Variants in SELENOI observed in about 807,000 individuals in gnomAD.
SELENOI encodes the protein ethanolaminephosphotransferase 1.
In SELENOI, 24 loss-of-function variants were observed where a neutral mutation model predicts 50.7. The ratio of observed to expected loss-of-function variants is 0.47; its 90% CI spans 0.34 to 0.67. The LOEUF is 0.67. Among genes scored for constraint, SELENOI ranks in the 30% least tolerant of loss-of-function variants. The probability of loss-of-function intolerance (pLI) is 0.01; values close to 1 mark genes in which losing one functional copy is unlikely to be tolerated. For synonymous variants in SELENOI, 155 were observed against 170.2 expected, an observed-to-expected ratio of 0.91 and a Z score of 0.70; for missense variants, 352 against 461.4, an observed-to-expected ratio of 0.76 and a Z score of 2.17.
chr2:26,389,253 G>T lies in SELENOI; in HGVS notation c.*150G>T. 1.6e-6 allele frequency: 1 copy of T among 611,922 alleles called. No individual in the cohort carries two copies. Among genetic ancestry groups the T allele is most frequent in the Non-Finnish European group, 2.8e-6 (1 of 356,440 alleles). The allele number at this position is 611,922 out of a possible 1,614,324, so 37.9% of individuals were successfully genotyped here. A position where few individuals can be genotyped will look rare whatever the true frequency, so the allele number is the denominator to read the frequency against. On this transcript the variant is annotated 3_prime_UTR_variant, in exon 10 of 10. Transcript: ENST00000260585. ...GAATGATACATATAATCTGAACTTG[G>T]GAAATTTTGGACCTACTAACTCTAA...
At chr2:26,350,605 G>A (rs570585749) in intron 1 of SELENOI, among the ~76,000 whole-genome samples, 1 of 152,324 alleles carries the variant, frequency 6.6e-6, no homozygotes, top group South Asian at 2.1e-4. Context: ...GCAAAATTAA[G>A]CTAAGTTGAA....
chr2:26,354,373 TTTG>T (rs1558411007), intron 1 of SELENOI, among the ~76,000 whole-genome samples: 1 of 151,962 alleles, frequency 6.6e-6, no homozygotes, highest in Non-Finnish European at 1.5e-5. Flanking sequence ...GTACTGGCTG[TTTG>T]TTTTTGTTTT....
At position 26,392,814 on chromosome 2, in the gene SELENOI, A is replaced by G. The variant is rs1678000235; in HGVS notation, c.*3711A>G. On this transcript the variant is annotated 3_prime_UTR_variant, in exon 10 of 10. Transcript: ENST00000260585. ...TAAGTACTCTATAGAAAATTTGTGA[A>G]GTCAGACCAGAATTTTCTTTGTCCC... 1 of 152,236 alleles carries G rather than the reference A, an allele frequency of 6.6e-6. No individual in the cohort carries two copies. Among genetic ancestry groups the G allele is most frequent in the Non-Finnish European group, 1.5e-5 (1 of 68,044 alleles). 9.4% of individuals were successfully genotyped at this position (152,236 alleles called of 1,614,324 possible).
chr2:26,392,215 A>T lies in SELENOI; in HGVS notation c.*3112A>T, dbSNP rs1478750405. 1 of 152,194 alleles carries T rather than the reference A, an allele frequency of 6.6e-6. No homozygotes were observed. Among genetic ancestry groups the T allele is most frequent in the Admixed American group, 6.5e-5 (1 of 15,274 alleles). The allele number at this position is 152,194 out of a possible 1,614,324, so 9.4% of individuals were successfully genotyped here. ...CCTGGAGCCTGAGCTTTGGGAGAAT[A>T]TACAAAGGAAAAAGCAGGCATAGTT... On this transcript the variant is annotated 3_prime_UTR_variant, in exon 10 of 10. Coordinates refer to ENST00000260585, the MANE Select transcript of SELENOI (RefSeq NM_033505.4).
intron 1 of SELENOI, among the ~76,000 whole-genome samples, chr2:26,355,224 C>T (rs1265479201): frequency 6.6e-6 from 1 of 152,148 alleles, no homozygotes; most frequent in African/African-American, 2.4e-5. Flanking sequence ...TATACACATC[C>T]CTGGTGGTTA....
chr2:26,385,215 T>A (rs978742270), intron 8 of SELENOI, 76 bp downstream of exon 8: 4 of 898,370 alleles, frequency 4.5e-6, no homozygotes, highest in Non-Finnish European at 6.1e-6. Context: ...GAAAAATCTT[T>A]AATATTAGAA....
rs914110861 is a variant in SELENOI, at chr2:26,395,669, A to T, written c.*6566A>T. ...ATTTCATTGTTTTTGCATTATCTGT[A>T]TCAGTGTTTCCCATTGCTAGCCCGA... On this transcript the variant is annotated 3_prime_UTR_variant, in exon 10 of 10. Transcript: ENST00000260585. 1.3e-5 allele frequency: 2 copies of T among 152,620 alleles called. No individual in the cohort carries two copies. The highest frequency in any genetic ancestry group is 4.8e-5 in the African/African-American group (2 of 41,450). 9.5% of individuals were successfully genotyped at this position (152,620 alleles called of 1,614,324 possible). A position where few individuals can be genotyped will look rare whatever the true frequency, so the allele number is the denominator to read the frequency against.
chr2:26,371,121 C>T (rs1477728055), intron 4 of SELENOI, among the ~76,000 whole-genome samples: 7 of 148,850 alleles, frequency 4.7e-5, no homozygotes, highest in Admixed American at 2.6e-4. Context: ...CCCCCACCTC[C>T]CTCCCGGACG....
At position 26,351,112 on chromosome 2, in the gene SELENOI, G is replaced by A. The variant is rs185962338; in HGVS notation, c.57+4823G>A. Among the ~76,000 whole-genome samples the A allele has an allele frequency of 2.7e-4, 40 of 145,884 alleles. 1 individual carries two copies. The highest frequency in any genetic ancestry group is 5.2e-4 in the Non-Finnish European group (35 of 67,294). ...CTCGTTTTGTTGCCCAGGCTGGAGTGCAGAGGTACAATCTCGGCTCACTGC... is the reference window on the plus strand; with the variant it reads ...CTCGTTTTGTTGCCCAGGCTGGAGTACAGAGGTACAATCTCGGCTCACTGC... On this transcript the variant is annotated intron_variant, in intron 1 of 9. Coordinates refer to ENST00000260585, the MANE Select transcript of SELENOI (RefSeq NM_033505.4).
rs1678075620 is a variant in SELENOI, at chr2:26,395,704, A to C, written c.*6601A>C. ...CCCATTGCTAGCCCGAATAATCAAG[A>C]CCAGACTGTTTCTTGTCACTGGATT... On this transcript the variant is annotated 3_prime_UTR_variant, in exon 10 of 10. Coordinates refer to ENST00000260585, the MANE Select transcript of SELENOI (RefSeq NM_033505.4). 1 of 152,592 alleles carries C rather than the reference A, an allele frequency of 6.6e-6. No individual in the cohort carries two copies. The highest frequency in any genetic ancestry group is 2.4e-5 in the African/African-American group (1 of 41,422). The allele number at this position is 152,592 out of a possible 1,614,324, so 9.5% of individuals were successfully genotyped here.
intron 1 of SELENOI, among the ~76,000 whole-genome samples, chr2:26,348,349 A>C (rs1420953226): frequency 1.3e-5 from 2 of 152,262 alleles, no homozygotes; most frequent in African/African-American, 4.8e-5. Flanking sequence ...AAGAACTGAC[A>C]CTACAAAAGC....
chr2:26,347,241 G>T (rs1676808465), intron 1 of SELENOI, among the ~76,000 whole-genome samples: 1 of 151,992 alleles, frequency 6.6e-6, no homozygotes, highest in African/African-American at 2.4e-5. Flanking sequence ...CCCCTTAAAT[G>T]TGCGCTCTGT....
intron 1 of SELENOI, chr2:26,346,543 G>A: frequency 2.5e-6 from 1 of 401,330 alleles, no homozygotes; most frequent in East Asian, 4.1e-5. Context: ...ATCATGGAGC[G>A]AGGGAATTCC....
chr2:26,384,477 G>A (rs1460464127), intron 7 of SELENOI, among the ~76,000 whole-genome samples: 5 of 152,186 alleles, frequency 3.3e-5, no homozygotes, highest in African/African-American at 1.2e-4. Context: ...TGTGCTTAGA[G>A]ACACTGAGAT....
chr2:26,355,661 C>T (rs1199837303), intron 1 of SELENOI, among the ~76,000 whole-genome samples: 3 of 151,500 alleles, frequency 2.0e-5, no homozygotes, highest in South Asian at 2.1e-4. Context: ...ATGTAAACGA[C>T]GGTATTCACT....
intron 3 of SELENOI, among the ~76,000 whole-genome samples, chr2:26,366,072 A>G (rs1011349426): frequency 1.3e-5 from 2 of 152,142 alleles, no homozygotes; most frequent in African/African-American, 4.8e-5. Flanking sequence ...AAGTGCTGGG[A>G]TTACAGGTGT....
intron 6 of SELENOI, among the ~76,000 whole-genome samples, chr2:26,378,737 T>G (rs1186402281): frequency 6.6e-6 from 1 of 152,228 alleles, no homozygotes; most frequent in Non-Finnish European, 1.5e-5. Context: ...TTTAAATATT[T>G]TTGTCTGGTT....
In SELENOI at chr2:26,383,421, A is replaced by G. The variant is rs983204148; in HGVS notation, c.731+74A>G. On this transcript the variant is annotated intron_variant, in intron 7 of 9. Coordinates refer to ENST00000260585, the MANE Select transcript of SELENOI (RefSeq NM_033505.4). ...AGTTGTTAGCTGAACTTAGGGATCTATTTTCCTTTTGGAGTCAGGACATTT... is the reference window on the plus strand; with the variant it reads ...AGTTGTTAGCTGAACTTAGGGATCTGTTTTCCTTTTGGAGTCAGGACATTT... 3.2e-4 allele frequency: 354 copies of G among 1,094,490 alleles called. 1 individual carries two copies. Among genetic ancestry groups the G allele is most frequent in the Non-Finnish European group, 4.0e-4 (308 of 763,052 alleles). The allele number at this position is 1,094,490 out of a possible 1,614,324, so 67.8% of individuals were successfully genotyped here. A position where few individuals can be genotyped will look rare whatever the true frequency, so the allele number is the denominator to read the frequency against.
chr2:26,392,682 G>A lies in SELENOI; in HGVS notation c.*3579G>A, dbSNP rs1444087189. 1.3e-5 allele frequency: 2 copies of A among 152,220 alleles called. No homozygotes were observed. Among genetic ancestry groups the A allele is most frequent in the African/African-American group, 4.8e-5 (2 of 41,460 alleles). The allele number at this position is 152,220 out of a possible 1,614,324, so 9.4% of individuals were successfully genotyped here. ...GGAACAAAGTAAGCTTGATGGGCTG[G>A]AACTTTTGACTTTGGGTCCCCAAAC... On this transcript the variant is annotated 3_prime_UTR_variant, in exon 10 of 10. Transcript: ENST00000260585.
Sources: allele counts gnomAD v4.1 joint callset (sites outside exome capture counted in the v4.1 genomes callset), GRCh38; gene constraint gnomAD v4.1.1; transcripts MANE v1.5; gene names NCBI Gene and HGNC (gene_info 2026-07-23, HGNC 2026-07-21).